PHF2: variants seen among roughly 807,000 people sequenced by gnomAD.
PHF2 encodes PHD finger protein 2.
Under a neutral mutation model 120.5 loss-of-function variants are expected in PHF2, and 27 were observed. The observed-to-expected ratio is 0.22, with a 90% CI of 0.17 to 0.31. The LOEUF is 0.31. Among genes scored for constraint, PHF2 ranks in the 10% least tolerant of loss-of-function variants. The pLI is 1.00. For synonymous variants in PHF2, 568 were observed against 592.5 expected (o/e 0.96, Z 0.60); for missense variants, 1,024 against 1,434.8 (o/e 0.71, Z 4.63).
chr9:93,595,753 C>A (rs1253392562), intron 1 of PHF2, among the ~76,000 whole-genome samples: 2 of 152,212 alleles, frequency 1.3e-5, no homozygotes, highest in African/African-American at 4.8e-5. Flanking sequence ...AGATGCCTTC[C>A]TCTTGATGGA....
chr9:93,583,066 C>G (rs1034686184), intron 1 of PHF2, among the ~76,000 whole-genome samples: 2 of 152,224 alleles, frequency 1.3e-5, no homozygotes, highest in Admixed American at 1.3e-4. Context: ...ACTGCCCTTT[C>G]TTCCTCCCAC....
intron 1 of PHF2, among the ~76,000 whole-genome samples, chr9:93,603,670 C>G (rs1487050036): frequency 1.3e-5 from 2 of 152,178 alleles, no homozygotes; most frequent in Admixed American, 6.5e-5. Context: ...TCAGGACATG[C>G]TGGGTGCTAC....
At chr9:93,660,109 G>A (rs1246663861) in intron 11 of PHF2, 83 bp from the exon 12 acceptor site, 4 of 1,437,018 alleles carry the variant, frequency 2.8e-6, no homozygotes, top group Non-Finnish European at 3.7e-6. Flanking sequence ...GGCACTGAGT[G>A]TCTCCAGCAT....
intron 12 of PHF2, among the ~76,000 whole-genome samples, chr9:93,661,561 TGATG>T (rs1369900269): frequency 6.6e-6 from 1 of 151,928 alleles, no homozygotes; most frequent in Non-Finnish European, 1.5e-5. Flanking sequence ...ATGAACGAAT[TGATG>T]GATGGGTGGA....
Position 93,630,002 on chromosome 9 carries a change from A to T in PHF2, c.131A>T (p.Asp44Val). 1.2e-6 allele frequency: 2 copies of T among 1,614,012 alleles called. No individual in the cohort carries two copies. Among genetic ancestry groups the T allele is most frequent in the Non-Finnish European group, 1.7e-6 (2 of 1,180,028 alleles). Residue 44 changes from aspartate to valine, a missense_variant, in exon 2 of 22, where the codon GAC becomes GTC. Asp to Val is a radical substitution (Grantham distance 152). Around this residue, in one of 2 missense-constraint regions of PHF2, gnomAD observed 347 missense variants for 577.4 expected, o/e 0.60. Transcript: ENST00000359246. ...GGGGTGGAAGAGGAGGAGGCGCCCG[A>T]CATCGACATATACCACTGCCCAAAC... Reference protein sequence around the residue: ...CVGVEEEEAPDIDIYHCPNCE... With the variant: ...CVGVEEEEAPVIDIYHCPNCE...
At chr9:93,672,526 A>T in intron 17 of PHF2, 1 of 985,006 alleles carries the variant, frequency 1.0e-6, no homozygotes, top group Non-Finnish European at 1.2e-6. Context: ...GTACAGGTGC[A>T]GATGCAGGTG....
intron 1 of PHF2, among the ~76,000 whole-genome samples, chr9:93,579,524 T>A (rs1313444314): frequency 6.6e-6 from 1 of 152,226 alleles, no homozygotes; most frequent in Non-Finnish European, 1.5e-5. Context: ...CCCCACTTAA[T>A]GTCGTTTTTC....
intron 1 of PHF2, among the ~76,000 whole-genome samples, chr9:93,611,269 G>C (rs933672893): frequency 1.3e-5 from 2 of 151,954 alleles, no homozygotes; most frequent in Non-Finnish European, 1.5e-5. Flanking sequence ...TACAAAACTA[G>C]ACAGGCGTGG....
At chr9:93,582,601 C>G (rs1323030106) in intron 1 of PHF2, among the ~76,000 whole-genome samples, 1 of 152,206 alleles carries the variant, frequency 6.6e-6, no homozygotes, top group Non-Finnish European at 1.5e-5. Flanking sequence ...GGCTTCTATG[C>G]TTTAGGGTAC....
chr9:93,653,431 C>A, intron 6 of PHF2, 66 bp downstream of exon 6: 1 of 1,524,118 alleles, frequency 6.6e-7, no homozygotes, highest in Non-Finnish European at 9.0e-7. Context: ...GGATTGTCTG[C>A]AGTCCCCACA....
intron 20 of PHF2, 63 bp from the exon 21 acceptor site, chr9:93,676,531 T>C: frequency 6.5e-7 from 1 of 1,538,276 alleles, no homozygotes; most frequent in Non-Finnish European, 8.8e-7. Flanking sequence ...TGCCGGGAGC[T>C]CCCTGCTCTG....
chr9:93,652,122 C>T (rs1244732117), intron 5 of PHF2, among the ~76,000 whole-genome samples: 4 of 152,068 alleles, frequency 2.6e-5, no homozygotes, highest in East Asian at 1.9e-4. Flanking sequence ...CAGTCTTGTC[C>T]GGGGACAACT....
intron 1 of PHF2, among the ~76,000 whole-genome samples, chr9:93,614,550 C>T (rs1825690466): frequency 6.6e-6 from 1 of 152,214 alleles, no homozygotes. Context: ...CTGCCCAGCC[C>T]CTCCATCCTT....
intron 1 of PHF2, among the ~76,000 whole-genome samples, chr9:93,603,436 C>T (rs577591451): frequency 3.3e-5 from 5 of 152,276 alleles, no homozygotes; most frequent in African/African-American, 1.2e-4. Flanking sequence ...AGCTCATGGT[C>T]TTCCCAAAGT....
intron 9 of PHF2, 72 bp from the exon 10 acceptor site, chr9:93,658,073 C>A: frequency 2.0e-6 from 2 of 1,020,858 alleles, no homozygotes; most frequent in South Asian, 1.4e-5. Context: ...CCCGGTCTGG[C>A]TATGTGGCTG....
chr9:93,629,245 A>G (rs1208969517), intron 1 of PHF2, among the ~76,000 whole-genome samples: 1 of 152,078 alleles, frequency 6.6e-6, no homozygotes, highest in African/African-American at 2.4e-5. Context: ...AAAACAAAGC[A>G]TTTCCATTTT....
At chr9:93,578,059 C>T (rs1274702620) in intron 1 of PHF2, among the ~76,000 whole-genome samples, 1 of 152,222 alleles carries the variant, frequency 6.6e-6, no homozygotes, top group African/African-American at 2.4e-5. Context: ...GGTTCTAAGA[C>T]TGGGTCTTCA....
chr9:93,644,099 A>C (rs1029004553), intron 3 of PHF2, among the ~76,000 whole-genome samples: 15 of 152,136 alleles, frequency 9.9e-5, no homozygotes, highest in African/African-American at 3.4e-4. Flanking sequence ...AGAATTCCAG[A>C]GGCTCGGCTG....
intron 1 of PHF2, among the ~76,000 whole-genome samples, chr9:93,623,404 G>T (rs1211434579): frequency 6.6e-6 from 1 of 152,172 alleles, no homozygotes; most frequent in African/African-American, 2.4e-5. Context: ...TGTAGTGAGT[G>T]CACGTGACGT....
Sources: gnomAD v4.1 joint callset for allele counts (sites outside exome capture counted in the v4.1 genomes callset) on GRCh38, gnomAD v4.1.1 for gene constraint, gnomAD v4.1.1 regional missense constraint, MANE v1.5 for transcripts, NCBI Gene and HGNC (gene_info 2026-07-23, HGNC 2026-07-21) for gene names.